The following TMTC1 variants were observed in gnomAD, a reference collection of about 807,000 sequenced individuals.
TMTC1 encodes transmembrane O-mannosyltransferase targeting cadherins 1.
A neutral mutation model predicts 104.8 loss-of-function variants in TMTC1; 73 were observed. That is an observed-to-expected ratio of 0.70 (90% CI 0.58 to 0.85). The LOEUF (loss-of-function observed/expected upper bound fraction) is 0.85, where lower values mean the gene tolerates loss of function less well. TMTC1 is among the 40% of genes least tolerant of loss of function. TMTC1 has a pLI of 0.00. For missense variants in TMTC1, 1,035 were observed against 1,096.1 expected, an observed-to-expected ratio of 0.94 and a Z score of 0.79; for synonymous variants, 434 against 428.7, an observed-to-expected ratio of 1.01 and a Z score of -0.15.
intron 17 of TMTC1, among the ~76,000 whole-genome samples, chr12:29,508,368 T>C (rs1045213717): frequency 9.9e-5 from 15 of 152,228 alleles, no homozygotes; most frequent in Admixed American, 2.6e-4. Context: ...CCTTAGCACT[T>C]ACATGCAGAC....
intron 5 of TMTC1, among the ~76,000 whole-genome samples, chr12:29,667,189 T>G (rs540327414): frequency 2.0e-5 from 3 of 152,210 alleles, no homozygotes; most frequent in Admixed American, 6.5e-5. Flanking sequence ...CTTGAACCCA[T>G]GAAGTGCCTC....
At chr12:29,690,937 A>C (rs969026192) in intron 5 of TMTC1, among the ~76,000 whole-genome samples, 3 of 152,188 alleles carry the variant, frequency 2.0e-5, no homozygotes, top group African/African-American at 7.2e-5. Context: ...CTTGCTTCTA[A>C]CTTTTAAGCT....
chr12:29,598,852 T>C (rs964778706), intron 7 of TMTC1, among the ~76,000 whole-genome samples: 1 of 152,244 alleles, frequency 6.6e-6, no homozygotes. Context: ...CCTACGTATA[T>C]AAATTTAATG....
At chr12:29,613,379 C>T (rs1400055075) in intron 6 of TMTC1, among the ~76,000 whole-genome samples, 2 of 152,146 alleles carry the variant, frequency 1.3e-5, no homozygotes, top group Admixed American at 1.3e-4. Context: ...AAAGCTCAGC[C>T]ATGTGCTGGG....
chr12:29,780,775 G>C (rs990429277), intron 1 of TMTC1, among the ~76,000 whole-genome samples: 1 of 152,176 alleles, frequency 6.6e-6, no homozygotes, highest in African/African-American at 2.4e-5. Flanking sequence ...TTACCATTGG[G>C]GGAAATGGAT....
At chr12:29,630,417 C>T (rs983910717) in intron 6 of TMTC1, among the ~76,000 whole-genome samples, 1 of 152,132 alleles carries the variant, frequency 6.6e-6, no homozygotes, top group African/African-American at 2.4e-5. Context: ...ATCACAAGAA[C>T]AGCATGTGGG....
chr12:29,687,584 G>C (rs1490193340), intron 5 of TMTC1, among the ~76,000 whole-genome samples: 1 of 152,188 alleles, frequency 6.6e-6, no homozygotes, highest in Non-Finnish European at 1.5e-5. Context: ...TACTGTTGCA[G>C]TGTTAACTGA....
At chr12:29,627,859 A>G (rs894207068) in intron 6 of TMTC1, among the ~76,000 whole-genome samples, 3 of 152,220 alleles carry the variant, frequency 2.0e-5, no homozygotes, top group South Asian at 4.1e-4. Context: ...GTGCAAAAAG[A>G]TCACTTTGAC....
chr12:29,684,008 TA>T (rs1427771243), intron 5 of TMTC1, among the ~76,000 whole-genome samples: 1 of 152,128 alleles, frequency 6.6e-6, no homozygotes, highest in African/African-American at 2.4e-5. Flanking sequence ...CATGCCCAGC[TA>T]ATGTTTTATA....
intron 2 of TMTC1, among the ~76,000 whole-genome samples, chr12:29,759,145 T>G (rs1437743296): frequency 6.6e-6 from 1 of 152,178 alleles, no homozygotes; most frequent in Non-Finnish European, 1.5e-5. Flanking sequence ...ATGCTGCTAA[T>G]GGAGCAGACA....
Position 29,616,253 on chromosome 12 carries a change from C to A in TMTC1, c.1129-11954G>T, listed in dbSNP as rs539299241. Among the ~76,000 whole-genome samples, 13 of 152,270 alleles carry A rather than the reference C, an allele frequency of 8.5e-5. No individual in the cohort carries two copies. The South Asian group carries it at 2.7e-3, about 32-fold the overall frequency. On this transcript the variant is annotated intron_variant, in intron 6 of 17. Transcript: ENST00000539277. ...GAAATGCTGGTACAAACTGCTCTAG[C>A]AGAATGAAATTAAGAAAAGTTCTCA...
chr12:29,739,095 C>A (rs763385454), intron 5 of TMTC1, among the ~76,000 whole-genome samples: 17 of 152,240 alleles, frequency 1.1e-4, no homozygotes, highest in Middle Eastern at 3.4e-3. Flanking sequence ...TTGCATCAGG[C>A]CTCGTGATCA....
intron 17 of TMTC1, among the ~76,000 whole-genome samples, chr12:29,507,339 G>A (rs2136124104): frequency 6.6e-6 from 1 of 152,312 alleles, no homozygotes; most frequent in Non-Finnish European, 1.5e-5. Flanking sequence ...CAAAATTCAT[G>A]TTAGGGGAAT....
Position 29,506,838 on chromosome 12 carries a change from CGGT to C in TMTC1, c.*5_*7del. 6.2e-7 allele frequency: 1 copy of C among 1,613,982 alleles called. No homozygotes were observed. Among genetic ancestry groups the C allele is most frequent in the Non-Finnish European group, 8.5e-7 (1 of 1,179,906 alleles). On this transcript the variant is annotated 3_prime_UTR_variant, in exon 18 of 18. Coordinates refer to ENST00000539277, the MANE Select transcript of TMTC1 (RefSeq NM_001193451.2). ...CATTATCCTATGAGGTTGGGTCAGA[CGGT>C]GGTGCTATGTTTGATCCTTTTCTCG...
chr12:29,569,283 C>T (rs1052016027), intron 9 of TMTC1, among the ~76,000 whole-genome samples: 1 of 152,140 alleles, frequency 6.6e-6, no homozygotes, highest in African/African-American at 2.4e-5. Flanking sequence ...TATTATAGTG[C>T]TATTTTTAGC....
At chr12:29,522,652 T>C (rs767934629) in intron 11 of TMTC1, among the ~76,000 whole-genome samples, 1 of 151,940 alleles carries the variant, frequency 6.6e-6, no homozygotes, top group Admixed American at 6.6e-5. Context: ...GAGAGTACCA[T>C]AGGGTGTATA....
intron 6 of TMTC1, chr12:29,613,869 G>A (rs1227502853): frequency 3.7e-6 from 3 of 810,020 alleles, no homozygotes; most frequent in Non-Finnish European, 4.5e-6. Context: ...TTAAGAAAGT[G>A]ACAAAATGTT....
chr12:29,652,732 G>A (rs1939579478), intron 5 of TMTC1, among the ~76,000 whole-genome samples: 4 of 152,130 alleles, frequency 2.6e-5, no homozygotes, highest in Non-Finnish European at 1.5e-5. Context: ...GGAAAAATTG[G>A]GGAATAGTCT....
chr12:29,612,031 G>A (rs538106895), intron 6 of TMTC1, among the ~76,000 whole-genome samples: 2 of 152,290 alleles, frequency 1.3e-5, no homozygotes, highest in Admixed American at 6.5e-5. Flanking sequence ...GATCCAATCA[G>A]TAAGAAGCAA....
Sources: gnomAD v4.1 joint callset for allele counts (sites outside exome capture counted in the v4.1 genomes callset) on GRCh38, gnomAD v4.1.1 for gene constraint, MANE v1.5 for transcripts, NCBI Gene and HGNC (gene_info 2026-07-23, HGNC 2026-07-21) for gene names.